Variants in SOCS5 observed in about 807,000 individuals in gnomAD.
SOCS5 encodes the protein suppressor of cytokine signaling 5.
A neutral mutation model predicts 42.8 loss-of-function variants in SOCS5; 32 were observed. The ratio of observed to expected loss-of-function variants is 0.75; its 90% CI spans 0.56 to 1.01. The LOEUF (loss-of-function observed/expected upper bound fraction) is 1.01, where lower values mean the gene tolerates loss of function less well. Ranked by LOEUF, SOCS5 falls within the 50% of genes least tolerant of loss-of-function variation. The pLI is 0.00. For missense variants in SOCS5, 627 were observed against 653.0 expected (o/e 0.96, Z 0.43); for synonymous variants, 283 against 229.6 (o/e 1.23, Z -2.10).
intron 1 of SOCS5, among the ~76,000 whole-genome samples, chr2:46,749,013 A>G (rs951248684): frequency 5.3e-5 from 8 of 152,240 alleles, no homozygotes; most frequent in African/African-American, 1.4e-4. Flanking sequence ...ATTTTTGTTT[A>G]TATTTAACCA....
chr2:46,709,610 G>A (rs191751710), intron 1 of SOCS5, among the ~76,000 whole-genome samples: 1 of 152,288 alleles, frequency 6.6e-6, no homozygotes, highest in East Asian at 1.9e-4. Context: ...GGAGCAGCAG[G>A]GGGAAGTGAA....
intron 1 of SOCS5, among the ~76,000 whole-genome samples, chr2:46,704,443 T>A (rs1449344006): frequency 1.3e-5 from 2 of 152,074 alleles, no homozygotes; most frequent in African/African-American, 4.8e-5. Flanking sequence ...ATATGGTAGG[T>A]AGTTGGAGGA....
At chr2:46,725,307 A>G (rs9677705) in intron 1 of SOCS5, among the ~76,000 whole-genome samples, 10,193 of 152,136 alleles carry the variant, frequency 0.067, 364 homozygotes, top group Middle Eastern at 0.14. Context: ...TCCTTTTCAA[A>G]AAAATCTAAT....
rs70940636 is a variant in SOCS5 at position 46,712,336 on chromosome 2, C to CTTTT, written c.-13+12909_-13+12912dup. Among the ~76,000 whole-genome samples the CTTTT allele has an allele frequency of 2.4e-3, 159 of 64,986 alleles. 2 individuals are homozygous for CTTTT. The highest frequency in any genetic ancestry group is 3.3e-3 in the Non-Finnish European group (125 of 38,122). The allele number at this position is 64,986 out of a possible 152,430, so 42.6% of individuals were successfully genotyped here. The stretch of plus-strand genomic sequence containing the variant: ...TTTTTTCCCACAAGTGGATGTTTAG[C>CTTTT]TTTTTTTTTTTTTTTTTTTTTTTTT... On this transcript the variant is annotated intron_variant, in intron 1 of 1. Coordinates refer to ENST00000394861, the MANE Select transcript of SOCS5 (RefSeq NM_144949.3).
intron 1 of SOCS5, among the ~76,000 whole-genome samples, chr2:46,744,433 T>C (rs1008005930): frequency 1.3e-5 from 2 of 151,992 alleles, no homozygotes; most frequent in Admixed American, 1.3e-4. Context: ...CACATATATA[T>C]CTTTGTGGTG....
At chr2:46,720,871 G>C (rs1407397049) in intron 1 of SOCS5, among the ~76,000 whole-genome samples, 1 of 151,180 alleles carries the variant, frequency 6.6e-6, no homozygotes, top group East Asian at 1.9e-4. Flanking sequence ...TCTTCCTTTT[G>C]GGTGTCAGCA....
intron 1 of SOCS5, among the ~76,000 whole-genome samples, chr2:46,757,861 G>A (rs766502894): frequency 4.6e-5 from 7 of 151,658 alleles, no homozygotes; most frequent in African/African-American, 7.3e-5. Flanking sequence ...GCGAGACTCC[G>A]TCTCAAAAAA....
At chr2:46,715,529 A>G (rs1375906118) in intron 1 of SOCS5, among the ~76,000 whole-genome samples, 1 of 152,018 alleles carries the variant, frequency 6.6e-6, no homozygotes, top group Non-Finnish European at 1.5e-5. Flanking sequence ...GTAGTTCAAC[A>G]TTCCTCTCAT....
chr2:46,744,112 C>T (rs1673446480), intron 1 of SOCS5, among the ~76,000 whole-genome samples: 1 of 152,082 alleles, frequency 6.6e-6, no homozygotes, highest in South Asian at 2.1e-4. Context: ...CCCTCAGCCT[C>T]CCTAGTAGCT....
intron 1 of SOCS5, among the ~76,000 whole-genome samples, chr2:46,752,100 C>T (rs942824656): frequency 6.6e-6 from 1 of 151,946 alleles, no homozygotes; most frequent in Non-Finnish European, 1.5e-5. Context: ...ACTGCCTGGC[C>T]TTTTGGAGAA....
chr2:46,744,818 G>A (rs1050039224), intron 1 of SOCS5, among the ~76,000 whole-genome samples: 1 of 151,538 alleles, frequency 6.6e-6, no homozygotes, highest in African/African-American at 2.4e-5. Flanking sequence ...GTGAGCCACC[G>A]CGCCCGGCTG....
chr2:46,718,270 A>G (rs1672794740), intron 1 of SOCS5, among the ~76,000 whole-genome samples: 1 of 152,212 alleles, frequency 6.6e-6, no homozygotes, highest in Admixed American at 6.5e-5. Flanking sequence ...TTTACCGAAG[A>G]TCTAGCCCAA....
At chr2:46,721,098 G>C (rs1348332319) in intron 1 of SOCS5, among the ~76,000 whole-genome samples, 1 of 152,150 alleles carries the variant, frequency 6.6e-6, no homozygotes, top group Non-Finnish European at 1.5e-5. Context: ...ACTTATCTAA[G>C]AGCATTTTCA....
rs966354096 is a variant in SOCS5, at chr2:46,761,577, T to C, written c.*1436T>C. 6.0e-6 allele frequency: 1 copy of C among 167,042 alleles called. No individual in the cohort carries two copies. The highest frequency in any genetic ancestry group is 6.5e-5 in the Admixed American group (1 of 15,280). 10.3% of individuals were successfully genotyped at this position (167,042 alleles called of 1,614,324 possible). On this transcript the variant is annotated 3_prime_UTR_variant, in exon 2 of 2. Coordinates refer to ENST00000394861, the MANE Select transcript of SOCS5 (RefSeq NM_144949.3). ...TGCTGTGCCTTGTTATGGCTGCTTT[T>C]TTTGTGCTAATAAAGTATGTTTGGT... is the stretch of plus-strand genomic sequence containing the variant.
chr2:46,708,450 C>T (rs916955924), intron 1 of SOCS5, among the ~76,000 whole-genome samples: 2 of 151,946 alleles, frequency 1.3e-5, no homozygotes, highest in Non-Finnish European at 2.9e-5. Context: ...GGATCAGGAG[C>T]GTGGTCAGGA....
At chr2:46,736,493 C>T (rs915906100) in intron 1 of SOCS5, among the ~76,000 whole-genome samples, 13 of 152,248 alleles carry the variant, frequency 8.5e-5, no homozygotes, top group South Asian at 4.2e-4. Flanking sequence ...TCCTCCTCTC[C>T]GCAGCCCCTG....
At chr2:46,738,947 T>C (rs1242219928) in intron 1 of SOCS5, among the ~76,000 whole-genome samples, 3 of 152,212 alleles carry the variant, frequency 2.0e-5, no homozygotes, top group Non-Finnish European at 4.4e-5. Context: ...AAGGAACATC[T>C]TGGAATAAAC....
intron 1 of SOCS5, among the ~76,000 whole-genome samples, chr2:46,737,160 G>A (rs1673272020): frequency 6.6e-6 from 1 of 152,164 alleles, no homozygotes; most frequent in South Asian, 2.1e-4. Context: ...TTATCCAGGT[G>A]TTAAATCTTA....
chr2:46,715,702 G>GT (rs1416256542), intron 1 of SOCS5, among the ~76,000 whole-genome samples: 1 of 152,062 alleles, frequency 6.6e-6, no homozygotes, highest in African/African-American at 2.4e-5. Context: ...TATATAATAT[G>GT]TTTTTTTCCT....
Sources: gnomAD v4.1 joint callset for allele counts (sites outside exome capture counted in the v4.1 genomes callset) on GRCh38, gnomAD v4.1.1 for gene constraint, MANE v1.5 for transcripts, NCBI Gene and HGNC (gene_info 2026-07-23, HGNC 2026-07-21) for gene names.